Variants in C1S observed in about 807,000 individuals in gnomAD.
The protein encoded by C1S is complement C1s subcomponent.
Under a neutral mutation model 54.0 loss-of-function variants are expected in C1S, and 31 were observed. The ratio of observed to expected loss-of-function variants is 0.57; its 90% CI spans 0.43 to 0.78. C1S has a LOEUF of 0.78. Ranked by LOEUF, C1S falls within the 30% of genes least tolerant of loss-of-function variation. The probability of loss-of-function intolerance (pLI) is 0.00; values close to 1 mark genes in which losing one functional copy is unlikely to be tolerated. For synonymous variants in C1S, 292 were observed against 303.6 expected, an observed-to-expected ratio of 0.96 and a Z score of 0.40; for missense variants, 727 against 851.8, an observed-to-expected ratio of 0.85 and a Z score of 1.82.
intron 4 of C1S, 145 bp downstream of exon 4, chr12:7,063,212 C>G: frequency 1.4e-6 from 1 of 735,118 alleles, no homozygotes; most frequent in Non-Finnish European, 2.3e-6. Flanking sequence ...CCATAAATCA[C>G]TTTTGTGAAA....
In C1S at chr12:7,070,195, C is replaced by T. The variant is rs782204393; in HGVS notation, c.1611C>T (p.Asp537=). The change falls in exon 12 of 12, where the codon GAC becomes GAT. Residue 537 remains aspartate, a synonymous_variant. Transcript: ENST00000360817. The surrounding 1 kb of genome is among the most constrained non-coding windows in gnomAD (Gnocchi z 4.9). Reference sequence around the variant, plus strand: ...ACATTGCACTGGTGCGGCTGAAAGACCCAGTGAAAATGGGACCCACCGTCT... The same window carrying T: ...ACATTGCACTGGTGCGGCTGAAAGATCCAGTGAAAATGGGACCCACCGTCT... ...DNDIALVRLK[D]PVKMGPTVSP... is the part of the protein sequence containing the mutation. 21 of 1,614,036 alleles carry T rather than the reference C, an allele frequency of 1.3e-5. No individual in the cohort carries two copies. In the East Asian group the frequency reaches 2.0e-4, roughly 15 times the overall value.
intron 11 of C1S, among the ~76,000 whole-genome samples, chr12:7,069,507 G>A (rs1331282273): frequency 1.3e-5 from 2 of 152,312 alleles, no homozygotes; most frequent in African/African-American, 4.8e-5. Flanking sequence ...ATTGGGCACC[G>A]GCCTCATGTG....
rs1555162262 is a variant in C1S at position 7,066,543 on chromosome 12, T to C, written c.897T>C (p.Thr299=). Reference sequence around the variant, plus strand: ...CAATGCCCTGCCCTAAGGAAGACACTCCCAATTCTGTTTGGGAGCCTGCGA... The same window carrying C: ...CAATGCCCTGCCCTAAGGAAGACACCCCCAATTCTGTTTGGGAGCCTGCGA... ...GDPMPCPKED[T]PNSVWEPAKA... is the part of the protein sequence containing the mutation. The change falls in exon 8 of 12, where the codon ACT becomes ACC. Residue 299 remains threonine (T), a synonymous_variant. Coordinates refer to ENST00000360817, the MANE Select transcript of C1S (RefSeq NM_001734.5). 6.2e-7 allele frequency: 1 copy of C among 1,612,762 alleles called. No homozygotes were observed.
chr12:7,067,806 G>T, intron 10 of C1S, 35 bp downstream of exon 10: 2 of 1,606,260 alleles, frequency 1.2e-6, no homozygotes, highest in Non-Finnish European at 1.7e-6. Context: ...GAGAGAGAGA[G>T]TGAGAAGGTG....
At chr12:7,065,352 C>T (rs1947158870) in intron 6 of C1S, 53 bp downstream of exon 6, 1 of 1,426,454 alleles carries the variant, frequency 7.0e-7, no homozygotes, top group Non-Finnish European at 9.9e-7. Context: ...AGAGATCTCT[C>T]CCTGAAGACA....
At chr12:7,066,954 C>A in intron 8 of C1S, 85 bp from the exon 9 acceptor site, 1 of 1,001,416 alleles carries the variant, frequency 1.0e-6, no homozygotes, top group Non-Finnish European at 1.6e-6. Context: ...CCTCATTGAT[C>A]CAAGGCCAGA....
chr12:7,062,030 G>C (rs1555161342), intron 2 of C1S, 113 bp downstream of exon 2: 1 of 1,056,438 alleles, frequency 9.5e-7, no homozygotes, highest in African/African-American at 1.6e-5. Flanking sequence ...AGCACTTTGG[G>C]AGGCTGAGGC....
At position 7,066,928 on chromosome 12, in the gene C1S, T is replaced by C. The variant is rs782040678; in HGVS notation, c.988-111T>C. 46 of 819,084 alleles carry C rather than the reference T, an allele frequency of 5.6e-5. No homozygotes were observed. The African/African-American group carries it at 7.0e-4, about 13-fold the overall frequency. 50.7% of individuals were successfully genotyped at this position (819,084 alleles called of 1,614,324 possible). A position where few individuals can be genotyped will look rare whatever the true frequency, so the allele number is the denominator to read the frequency against. The stretch of plus-strand genomic sequence containing the variant: ...AGGTCTGCTAAGATGTTCCCAAGCT[T>C]CTTGTGGTGAGGACTCCTCATTGAT... On this transcript the variant is annotated intron_variant, in intron 8 of 11. Coordinates refer to ENST00000360817, the MANE Select transcript of C1S (RefSeq NM_001734.5).
At chr12:7,068,350 G>C in intron 10 of C1S, 106 bp from the exon 11 acceptor site, 1 of 804,704 alleles carries the variant, frequency 1.2e-6, no homozygotes, top group Non-Finnish European at 2.2e-6. Context: ...AATCCTAGAC[G>C]AGCTGAGGTT....
In C1S at chr12:7,067,746, T is replaced by C; in HGVS notation, c.1170T>C (p.Tyr390=). 6.2e-7 allele frequency: 1 copy of C among 1,614,058 alleles called. No individual in the cohort carries two copies. Among genetic ancestry groups the C allele is most frequent in the Non-Finnish European group, 8.5e-7 (1 of 1,179,912 alleles). The change falls in exon 10 of 12, where the codon TAT becomes TAC. Residue 390 remains tyrosine (Y), a synonymous_variant. Coordinates refer to ENST00000360817, the MANE Select transcript of C1S (RefSeq NM_001734.5). ...TCCGCTACACTTGTGAGGAGCCATA[T>C]TACTACATGGAAAATGGAGGAGGTG... The part of the protein sequence containing the change: ...SVIRYTCEEP[Y]YYMENGGGGE...
chr12:7,064,166 A>C, intron 4 of C1S, 101 bp from the exon 5 acceptor site: 4 of 1,133,642 alleles, frequency 3.5e-6, no homozygotes, highest in Non-Finnish European at 5.4e-6. Context: ...TTTAAGCAAT[A>C]GGCCTTTCCT....
Position 7,070,362 on chromosome 12 carries a change from G to T in C1S, c.1778G>T (p.Arg593Ile). 1 of 1,614,260 alleles carries T rather than the reference G, an allele frequency of 6.2e-7. No homozygotes were observed. Among genetic ancestry groups the T allele is most frequent in the South Asian group, 1.1e-5 (1 of 91,086 alleles). Residue 593 changes from arginine to isoleucine, a missense_variant, in exon 12 of 12, where the codon AGA becomes ATA. This residue lies in a region of C1S where 360 missense variants were observed against 453.6 expected (regional missense o/e 0.79). Coordinates refer to ENST00000360817, the MANE Select transcript of C1S (RefSeq NM_001734.5). The surrounding 1 kb of genome is among the most constrained non-coding windows in gnomAD (Gnocchi z 4.9). The stretch of plus-strand genomic sequence containing the variant: ...GCAAGGTTACCTGTAGCTCCTTTAA[G>T]AAAATGCAAAGAAGTGAAAGTGGAG... ...KAARLPVAPL[R>I]KCKEVKVEKP...
chr12:7,068,355 G>A, intron 10 of C1S, 101 bp from the exon 11 acceptor site: 1 of 826,986 alleles, frequency 1.2e-6, no homozygotes, highest in Admixed American at 1.9e-5. Context: ...TAGACGAGCT[G>A]AGGTTCTGAA....
In C1S at chr12:7,063,672, G is replaced by GCTGAAA. The variant is rs1177527774; in HGVS notation, c.392-595_392-594insCTGAAA. Among the ~76,000 whole-genome samples the GCTGAAA allele has an allele frequency of 5.9e-5, 9 of 152,308 alleles. No homozygotes were observed. The East Asian group carries it at 1.4e-3, about 23-fold the overall frequency. On this transcript the variant is annotated intron_variant, in intron 4 of 11. Transcript: ENST00000360817. ...ATCGTCATGATGTTTACCTTGCAGA[G>GCTGAAA]TGTCATTCCTGGAGCTGAAATGCTC...
At chr12:7,061,528 GC>G (rs1947087955) in intron 1 of C1S, 1 of 360,670 alleles carries the variant, frequency 2.8e-6, no homozygotes, top group Non-Finnish European at 5.4e-6. Flanking sequence ...GACTGATACC[GC>G]GGGGGTGGGG....
In C1S at chr12:7,067,726, T is replaced by C. The variant is rs782793537; in HGVS notation, c.1150T>C (p.Tyr384His). Residue 384 changes from tyrosine to histidine, a missense_variant, in exon 10 of 12, where the codon TAC (tyrosine) becomes CAC (histidine). This residue lies in a region of C1S where 360 missense variants were observed against 453.6 expected (regional missense o/e 0.79). Transcript: ENST00000360817. ...CACTTTGTTTGGTTCTGTCATCCGC[T>C]ACACTTGTGAGGAGCCATATTACTA... ...ESTLFGSVIR[Y>H]TCEEPYYYME... The C allele has an allele frequency of 6.2e-7, 1 of 1,614,016 alleles. No individual in the cohort carries two copies. The highest frequency in any genetic ancestry group is 1.1e-5 in the South Asian group (1 of 91,084).
chr12:7,067,042 C>T lies in C1S; in HGVS notation c.991C>T (p.Arg331Cys), dbSNP rs140488585. Residue 331 changes from arginine (R) to cysteine (C), a missense_variant, in exon 9 of 12, where the codon CGT becomes TGT. By Grantham distance (180) the Arg-to-Cys change is radical (BLOSUM62 -3). Around this residue, in one of 3 missense-constraint regions of C1S, gnomAD observed 360 missense variants for 453.6 expected, o/e 0.79. Transcript: ENST00000360817. The part of the protein sequence containing the change: ...CLDGFEVVEG[R>C]VGATSFYSTC... ...GGTGATGTTTATTATTCTCCAGGGACGTGTTGGTGCAACATCTTTCTATTC... is the reference window on the plus strand; with the variant it reads ...GGTGATGTTTATTATTCTCCAGGGATGTGTTGGTGCAACATCTTTCTATTC... The T allele has an allele frequency of 4.3e-5, 69 of 1,608,014 alleles. No homozygotes were observed. The highest frequency in any genetic ancestry group is 5.5e-5 in the Non-Finnish European group (65 of 1,174,528).
intron 8 of C1S, 22 bp from the exon 9 acceptor site, chr12:7,067,017 G>A (rs1937683737): frequency 6.4e-7 from 1 of 1,561,218 alleles, no homozygotes; most frequent in Non-Finnish European, 8.8e-7. Context: ...AGAAATAAGT[G>A]GTGATGTTTA....
intron 10 of C1S, 54 bp downstream of exon 10, chr12:7,067,825 T>TG (rs781953746): frequency 6.4e-7 from 1 of 1,560,570 alleles, no homozygotes; most frequent in South Asian, 1.1e-5. Flanking sequence ...TGTTGGAGGG[T>TG]GGATAGCATA....
Sources: gnomAD v4.1 joint callset for allele counts (sites outside exome capture counted in the v4.1 genomes callset) on GRCh38, gnomAD v4.1.1 for gene constraint, gnomAD v4.1.1 regional missense constraint, Gnocchi (gnomAD v3.1) non-coding constraint, MANE v1.5 for transcripts, NCBI Gene and HGNC (gene_info 2026-07-23, HGNC 2026-07-21) for gene names.